The following VRK2 variants were observed in gnomAD, a reference collection of about 807,000 sequenced individuals.
VRK2 encodes the protein serine/threonine-protein kinase VRK2.
In VRK2, 60 loss-of-function variants were observed where a neutral mutation model predicts 57.6. The observed-to-expected ratio is 1.04, with a 90% CI of 0.85 to 1.29. The LOEUF is 1.29. Ranked by LOEUF, VRK2 falls within the 50% of genes most tolerant of loss-of-function variation. The probability of loss-of-function intolerance (pLI) is 0.00; values close to 1 mark genes in which losing one functional copy is unlikely to be tolerated. For synonymous variants in VRK2, 231 were observed against 199.2 expected, an observed-to-expected ratio of 1.16 and a Z score of -1.35; for missense variants, 705 against 588.1, an observed-to-expected ratio of 1.20 and a Z score of -2.06.
intron 1 of VRK2, among the ~76,000 whole-genome samples, chr2:57,962,514 T>G (rs1310315469): frequency 1.3e-5 from 2 of 152,140 alleles, no homozygotes; most frequent in Non-Finnish European, 2.9e-5. Flanking sequence ...GATTAATTAG[T>G]CACCTAGGTA....
chr2:58,031,455 C>T (rs891276883), intron 2 of VRK2, among the ~76,000 whole-genome samples: 1 of 151,872 alleles, frequency 6.6e-6, no homozygotes, highest in Non-Finnish European at 1.5e-5. Flanking sequence ...TCCTCCTTTC[C>T]CTCAAGGATA....
At chr2:58,073,280 G>A (rs1042668550) in intron 2 of VRK2, among the ~76,000 whole-genome samples, 1 of 151,998 alleles carries the variant, frequency 6.6e-6, no homozygotes, top group African/African-American at 2.4e-5. Context: ...TGTATATTCT[G>A]CTGTTGTTGG....
intron 1 of VRK2, among the ~76,000 whole-genome samples, chr2:57,993,052 G>A (rs549881239): frequency 6.6e-6 from 1 of 152,196 alleles, no homozygotes; most frequent in East Asian, 1.9e-4. Context: ...TGGTTCTACT[G>A]GTTAAATAAT....
chr2:58,144,014 C>T (rs1025502687), intron 11 of VRK2, among the ~76,000 whole-genome samples: 8 of 150,534 alleles, frequency 5.3e-5, no homozygotes, highest in African/African-American at 1.7e-4. Context: ...TATACATATA[C>T]ACATATATAT....
chr2:58,137,182 C>CATAT, intron 10 of VRK2, among the ~76,000 whole-genome samples: 9 of 35,092 alleles, frequency 2.6e-4, no homozygotes, highest in African/African-American at 1.4e-3. Context: ...TCATATATAT[C>CATAT]ATATATGATA....
intron 2 of VRK2, among the ~76,000 whole-genome samples, chr2:58,050,357 T>C (rs1675529391): frequency 6.6e-6 from 1 of 152,212 alleles, no homozygotes; most frequent in Non-Finnish European, 1.5e-5. Flanking sequence ...GGCTGCTGTA[T>C]AGAATAGTGC....
chr2:58,047,348 T>C, intron 1 of VRK2: 2 of 873,540 alleles, frequency 2.3e-6, no homozygotes, highest in Non-Finnish European at 2.7e-6. Context: ...CGGAAACTCG[T>C]GTTGAGGACT....
At chr2:57,994,083 G>C (rs1399352330) in intron 1 of VRK2, among the ~76,000 whole-genome samples, 1 of 152,148 alleles carries the variant, frequency 6.6e-6, no homozygotes, top group African/African-American at 2.4e-5. Flanking sequence ...CTCCATCTTT[G>C]TCCTCTTCTT....
chr2:58,010,386 T>A (rs1432793828), intron 1 of VRK2, among the ~76,000 whole-genome samples: 1 of 152,172 alleles, frequency 6.6e-6, no homozygotes, highest in Non-Finnish European at 1.5e-5. Context: ...AAAAAATTTC[T>A]TTAGAGTACC....
chr2:58,000,043 A>C (rs1673045676), intron 1 of VRK2, among the ~76,000 whole-genome samples: 1 of 152,056 alleles, frequency 6.6e-6, no homozygotes, highest in Non-Finnish European at 1.5e-5. Flanking sequence ...CACACACAAT[A>C]AACCTCATTT....
intron 1 of VRK2, among the ~76,000 whole-genome samples, chr2:57,964,879 C>CAAAAAAAAAAAAAAAAAAAAAA (rs540446220): frequency 2.1e-5 from 1 of 47,864 alleles, no homozygotes; most frequent in Non-Finnish European, 3.6e-5. Context: ...GAATCCATCT[C>CAAAAAAAAAAAAAAAAAAAAAA]AAAAAAAAAA....
intron 1 of VRK2, among the ~76,000 whole-genome samples, chr2:58,000,213 A>C (rs957195255): frequency 1.3e-5 from 2 of 152,184 alleles, no homozygotes; most frequent in African/African-American, 4.8e-5. Flanking sequence ...TGTGATAAGT[A>C]CTCTTGGTTA....
At chr2:58,091,653 A>T (rs1558624405) in intron 7 of VRK2, among the ~76,000 whole-genome samples, 1 of 152,036 alleles carries the variant, frequency 6.6e-6, no homozygotes, top group East Asian at 1.9e-4. Flanking sequence ...GAAACTGGGA[A>T]ATAGATAGAT....
At chr2:58,036,876 G>A (rs1011988354) in intron 3 of VRK2, among the ~76,000 whole-genome samples, 7 of 152,022 alleles carry the variant, frequency 4.6e-5, no homozygotes, top group African/African-American at 1.7e-4. Context: ...ATGTGGCTAA[G>A]GAGCACTTGA....
intron 3 of VRK2, among the ~76,000 whole-genome samples, chr2:58,040,296 G>A (rs560037675): frequency 6.6e-6 from 1 of 152,276 alleles, no homozygotes; most frequent in East Asian, 1.9e-4. Flanking sequence ...TCTTCAGTGA[G>A]ATAACTCAAT....
chr2:57,922,596 T>C (rs186765048), intron 1 of VRK2, among the ~76,000 whole-genome samples: 3 of 151,858 alleles, frequency 2.0e-5, no homozygotes, highest in African/African-American at 7.2e-5. Flanking sequence ...GTATACAATT[T>C]TTTTTAGATT....
chr2:58,147,616 T>TA (rs1337537166), intron 12 of VRK2, among the ~76,000 whole-genome samples: 8 of 151,852 alleles, frequency 5.3e-5, no homozygotes, highest in Admixed American at 5.3e-4. Context: ...GGCAATGAGA[T>TA]ACGTATATAT....
intron 3 of VRK2, 48 bp downstream of exon 3, chr2:58,084,186 CT>C: frequency 6.5e-7 from 1 of 1,538,628 alleles, no homozygotes; most frequent in Non-Finnish European, 8.8e-7. Flanking sequence ...TGACTTTTTC[CT>C]TTTCTGCTTT....
chr2:58,133,949 T>C (rs927081477), intron 9 of VRK2, among the ~76,000 whole-genome samples: 1 of 152,188 alleles, frequency 6.6e-6, no homozygotes, highest in Admixed American at 6.5e-5. Context: ...AGTTAAAGCA[T>C]TTATATTATA....
Sources: gnomAD v4.1 joint callset for allele counts (sites outside exome capture counted in the v4.1 genomes callset) on GRCh38, gnomAD v4.1.1 for gene constraint, MANE v1.5 for transcripts, NCBI Gene and HGNC (gene_info 2026-07-23, HGNC 2026-07-21) for gene names.